The following RABGEF1 variants were observed in gnomAD, a reference collection of about 807,000 sequenced individuals.
The protein encoded by RABGEF1 is RAB guanine nucleotide exchange factor 1.
Under a neutral mutation model 57.3 loss-of-function variants are expected in RABGEF1, and 26 were observed. The observed-to-expected ratio is 0.45, with a 90% CI of 0.33 to 0.63. The LOEUF is 0.63. RABGEF1 is among the 20% of genes least tolerant of loss of function. The probability of loss-of-function intolerance (pLI) is 0.02; values close to 1 mark genes in which losing one functional copy is unlikely to be tolerated. For synonymous variants in RABGEF1, 185 were observed against 210.7 expected (o/e 0.88, Z 1.06); for missense variants, 464 against 607.6 (o/e 0.76, Z 2.48).
intron 1 of RABGEF1, among the ~76,000 whole-genome samples, chr7:66,700,639 G>T (rs1793115700): frequency 6.6e-6 from 1 of 152,140 alleles, no homozygotes; most frequent in Non-Finnish European, 1.5e-5. Flanking sequence ...GCGTAGCAGG[G>T]GGCCCAGGCT....
intron 1 of RABGEF1, among the ~76,000 whole-genome samples, chr7:66,744,819 A>G (rs992873146): frequency 2.0e-5 from 3 of 152,162 alleles, no homozygotes; most frequent in African/African-American, 7.2e-5. Flanking sequence ...TGAGCACACA[A>G]GTGTTTAATG....
chr7:66,764,299 C>A (rs967227051), intron 1 of RABGEF1, among the ~76,000 whole-genome samples: 1 of 151,904 alleles, frequency 6.6e-6, no homozygotes, highest in Non-Finnish European at 1.5e-5. Context: ...AGATCTTTTA[C>A]CTGCTAAAAA....
At chr7:66,655,981 T>C in the RABGEF1 span, among the ~76,000 whole-genome samples, 8 of 152,280 alleles carry the variant, frequency 5.3e-5, no homozygotes, top group African/African-American at 1.9e-4. Flanking sequence ...ATTTAGGCCG[T>C]GCTGTCGGGC....
rs1406599984 is a variant in RABGEF1 at position 66,803,689 on chromosome 7, G to C, written c.821-1451G>C. ...GCGGATCACGAGGTCAGGAGTTCGA[G>C]ACCAGCCTGGCCAATATGGTGAAAC... On this transcript the variant is annotated intron_variant, in intron 7 of 8. Coordinates refer to ENST00000284957, the MANE Select transcript of RABGEF1 (RefSeq NM_014504.3). Among the ~76,000 whole-genome samples the C allele has an allele frequency of 2.0e-5, 3 of 152,174 alleles. No homozygotes were observed. The East Asian group carries it at 5.8e-4, about 29-fold the overall frequency.
At chr7:66,703,061 C>A (rs1297089765) in intron 1 of RABGEF1, among the ~76,000 whole-genome samples, 1 of 152,130 alleles carries the variant, frequency 6.6e-6, no homozygotes, top group Non-Finnish European at 1.5e-5. Flanking sequence ...GCAAGCTCTG[C>A]CTCCTGGGTT....
At chr7:66,657,540 A>G in the RABGEF1 span, among the ~76,000 whole-genome samples, 1 of 152,214 alleles carries the variant, frequency 6.6e-6, no homozygotes, top group African/African-American at 2.4e-5. Context: ...AAAATAAGAA[A>G]GCCAGCAGTG....
rs188758017 is a variant in RABGEF1, at chr7:66,753,976, A to G, written c.-18+13184A>G. 1.4e-3 allele frequency among the ~76,000 whole-genome samples: 213 copies of G among 148,554 alleles called. 9 individuals are homozygous for G. Among genetic ancestry groups the G allele is most frequent in the Non-Finnish European group, 2.4e-3 (159 of 67,212 alleles). ...TGCCTCTGCCTCCCAAAGTGCTGGG[A>G]TTACAGGCATGAGCCAACGTACTAG... On this transcript the variant is annotated intron_variant, in intron 1 of 8. Transcript: ENST00000284957.
chr7:66,759,585 C>T (rs1337415243), intron 1 of RABGEF1, among the ~76,000 whole-genome samples: 1 of 152,102 alleles, frequency 6.6e-6, no homozygotes, highest in Admixed American at 6.5e-5. Context: ...ACAGGCTGTA[C>T]AGGAAACATT....
At chr7:66,658,735 T>C in the RABGEF1 span, among the ~76,000 whole-genome samples, 2 of 152,092 alleles carry the variant, frequency 1.3e-5, no homozygotes, top group African/African-American at 4.8e-5. Context: ...GGAAATACTT[T>C]CTTTTTTTTG....
At chr7:66,719,450 C>CAT (rs1190096581) in intron 2 of RABGEF1, among the ~76,000 whole-genome samples, 9 of 152,114 alleles carry the variant, frequency 5.9e-5, no homozygotes, top group Non-Finnish European at 1.2e-4. Context: ...AGCACCTCGG[C>CAT]CCCCCGCAGT....
chr7:66,687,483 C>CAA (rs67647811), intron 1 of RABGEF1, among the ~76,000 whole-genome samples: 3 of 120,862 alleles, frequency 2.5e-5, no homozygotes, highest in Admixed American at 1.7e-4. Context: ...TTGTTTAAGC[C>CAA]AAAAAAAAAA....
intron 2 of RABGEF1, among the ~76,000 whole-genome samples, chr7:66,722,625 C>A (rs552827559): frequency 4.6e-5 from 7 of 152,284 alleles, no homozygotes; most frequent in African/African-American, 1.7e-4. Context: ...CTTACCTTTT[C>A]TTCTAAGAGT....
chr7:66,783,860 C>G lies in RABGEF1; in HGVS notation c.513+19C>G, dbSNP rs571383863. On this transcript the variant is annotated intron_variant, in intron 4 of 8. Coordinates refer to ENST00000284957, the MANE Select transcript of RABGEF1 (RefSeq NM_014504.3). ...CAAAAGGGTAGGTTGAGAATAACCA[C>G]GTAGAAACATAGAGTTTTGGTTTGA... The G allele has an allele frequency of 1.5e-5, 24 of 1,603,792 alleles. No homozygotes were observed. The highest frequency in any genetic ancestry group is 2.0e-5 in the Non-Finnish European group (23 of 1,174,312).
the RABGEF1 span, among the ~76,000 whole-genome samples, chr7:66,662,945 TGTGC>T: frequency 6.6e-6 from 1 of 152,320 alleles, no homozygotes; most frequent in South Asian, 2.1e-4. Flanking sequence ...CAGGTGTGCG[TGTGC>T]AGGCATGTGT....
intron 1 of RABGEF1, among the ~76,000 whole-genome samples, chr7:66,711,123 G>A (rs1794723602): frequency 6.6e-6 from 1 of 152,176 alleles, no homozygotes; most frequent in Non-Finnish European, 1.5e-5. Context: ...TTGCACCACT[G>A]CACTCCAGCC....
At chr7:66,721,076 G>A (rs1173468258) in intron 2 of RABGEF1, among the ~76,000 whole-genome samples, 2 of 151,968 alleles carry the variant, frequency 1.3e-5, no homozygotes, top group Non-Finnish European at 2.9e-5. Context: ...ACGTCACCAC[G>A]CCCGGCTAAT....
chr7:66,669,671 C>T, the RABGEF1 span: 1 of 152,196 alleles, frequency 6.6e-6, no homozygotes, highest in Admixed American at 6.6e-5. Context: ...CTCTGTCAGT[C>T]ATTAGCCAGG....
At chr7:66,771,437 C>T (rs755412951) in intron 1 of RABGEF1, among the ~76,000 whole-genome samples, 2 of 152,212 alleles carry the variant, frequency 1.3e-5, no homozygotes, top group African/African-American at 4.8e-5. Context: ...CCACACCGGC[C>T]TGTGCAGACA....
chr7:66,725,869 C>T (rs569154868), intron 2 of RABGEF1, among the ~76,000 whole-genome samples: 42 of 152,202 alleles, frequency 2.8e-4, no homozygotes, highest in Non-Finnish European at 5.4e-4. Context: ...CTGAGGGGGA[C>T]GTGGACCCTT....
Sources: gnomAD v4.1 joint callset for allele counts (sites outside exome capture counted in the v4.1 genomes callset) on GRCh38, gnomAD v4.1.1 for gene constraint, MANE v1.5 for transcripts, NCBI Gene and HGNC (gene_info 2026-07-23, HGNC 2026-07-21) for gene names.